SH3BP5: variants seen among roughly 807,000 people sequenced by gnomAD.
The protein encoded by SH3BP5 is SH3 domain binding protein 5.
Under a neutral mutation model 43.3 loss-of-function variants are expected in SH3BP5, and 22 were observed. The observed-to-expected ratio is 0.51, with a 90% CI of 0.36 to 0.73. The LOEUF (loss-of-function observed/expected upper bound fraction) is 0.73. SH3BP5 is among the 30% of genes least tolerant of loss of function. The probability of loss-of-function intolerance (pLI) is 0.00; values close to 1 mark genes in which losing one functional copy is unlikely to be tolerated. For synonymous variants in SH3BP5, 255 were observed against 225.8 expected, an observed-to-expected ratio of 1.13 and a Z score of -1.16; for missense variants, 529 against 586.9, an observed-to-expected ratio of 0.90 and a Z score of 1.02.
At chr3:15,309,865 G>C (rs1698004624) in intron 2 of SH3BP5, among the ~76,000 whole-genome samples, 1 of 151,700 alleles carries the variant, frequency 6.6e-6, no homozygotes, top group African/African-American at 2.4e-5. Flanking sequence ...ATTCATCAAA[G>C]ATGCATTGAA....
intron 2 of SH3BP5, 125 bp from the exon 3 acceptor site, chr3:15,304,356 C>G: frequency 7.1e-7 from 1 of 1,417,948 alleles, no homozygotes; most frequent in Non-Finnish European, 9.7e-7. Context: ...TAAAGTAGCA[C>G]CTTTACAAGA....
chr3:15,279,436 T>C (rs1697060248), intron 3 of SH3BP5, among the ~76,000 whole-genome samples: 1 of 152,130 alleles, frequency 6.6e-6, no homozygotes, highest in Non-Finnish European at 1.5e-5. Context: ...CTTTAATATG[T>C]CGGAGCAGCA....
At chr3:15,315,856 T>C (rs1481709790) in intron 2 of SH3BP5, among the ~76,000 whole-genome samples, 1 of 152,146 alleles carries the variant, frequency 6.6e-6, no homozygotes, top group African/African-American at 2.4e-5. Flanking sequence ...TTGGAAAAAA[T>C]GAGGGAAAGA....
intron 2 of SH3BP5, 110 bp from the exon 3 acceptor site, chr3:15,304,341 A>AC: frequency 1.3e-6 from 2 of 1,522,236 alleles, no homozygotes; most frequent in South Asian, 2.3e-5. Context: ...CAACGTACAG[A>AC]CCCCTAAAGT....
At chr3:15,318,530 CAA>C (rs59276192) in intron 2 of SH3BP5, among the ~76,000 whole-genome samples, 52 of 105,168 alleles carry the variant, frequency 4.9e-4, no homozygotes, top group Non-Finnish European at 4.6e-4. Flanking sequence ...CTGTCAGCTC[CAA>C]AAAAAAAAAA....
Position 15,258,867 on chromosome 3 carries a change from G to A in SH3BP5, c.853C>T (p.Leu285=), listed in dbSNP as rs139598000. 372 of 1,614,074 alleles carry A rather than the reference G, an allele frequency of 2.3e-4. No individual in the cohort carries two copies. The highest frequency in any genetic ancestry group is 2.9e-4 in the Non-Finnish European group (342 of 1,180,046). The part of the protein sequence containing the change: ...AEGSSTSVED[L]PGSKPEPDAI... ...TCAGGCTCAGGTTTGCTCCCTGGCA[G>A]ATCCTCCACAGATGTGCTGCTGCCC... Residue 285 remains leucine, a synonymous_variant, in exon 7 of 9, where the codon CTG becomes TTG. Coordinates refer to ENST00000383791, the MANE Select transcript of SH3BP5 (RefSeq NM_004844.5).
chr3:15,322,317 T>A (rs148724800), intron 2 of SH3BP5, among the ~76,000 whole-genome samples: 1 of 146,758 alleles, frequency 6.8e-6, no homozygotes, highest in East Asian at 1.9e-4. Flanking sequence ...TATGTATAGT[T>A]TTTTTTCCCC....
chr3:15,308,668 G>A (rs902541000), intron 2 of SH3BP5, among the ~76,000 whole-genome samples: 45 of 152,178 alleles, frequency 3.0e-4, no homozygotes, highest in African/African-American at 1.0e-3. Context: ...AACAATGGGA[G>A]GGCATGGCAC....
rs539078265 is a variant in SH3BP5 at position 15,325,497 on chromosome 3, T to A, written c.201+5007A>T. On this transcript the variant is annotated intron_variant, in intron 2 of 8. Coordinates refer to ENST00000383791, the MANE Select transcript of SH3BP5 (RefSeq NM_004844.5). The stretch of plus-strand genomic sequence containing the variant: ...CCAGACAATACTGCATTCCTCTCCC[T>A]CCCCTTGCCTCCAAACACCCACCAG... Among the ~76,000 whole-genome samples, 13 of 152,308 alleles carry A rather than the reference T, an allele frequency of 8.5e-5. No individual in the cohort carries two copies. The South Asian group carries it at 2.7e-3, about 32-fold the overall frequency.
At chr3:15,259,859 A>C in intron 5 of SH3BP5, 56 bp from the exon 6 acceptor site, 1 of 1,492,342 alleles carries the variant, frequency 6.7e-7, no homozygotes. Flanking sequence ...GACCACAGTC[A>C]ACTCCACAAG....
chr3:15,335,145 A>G (rs1402114186), upstream of SH3BP5, among the ~76,000 whole-genome samples: 1 of 152,096 alleles, frequency 6.6e-6, no homozygotes, highest in African/African-American at 2.4e-5. Context: ...CTGTAATCCT[A>G]GCACTTTGGG....
chr3:15,338,540 T>G (rs1399382594), intron 1 of SH3BP5, among the ~76,000 whole-genome samples: 1 of 152,112 alleles, frequency 6.6e-6, no homozygotes, highest in East Asian at 1.9e-4. Flanking sequence ...GGCTGCAAAC[T>G]GGAAGCGACT....
At chr3:15,316,458 C>T (rs1698187969) in intron 2 of SH3BP5, among the ~76,000 whole-genome samples, 1 of 151,920 alleles carries the variant, frequency 6.6e-6, no homozygotes, top group Admixed American at 6.6e-5. Context: ...CTCCTGACCT[C>T]GTGATCCGCT....
chr3:15,307,987 G>A (rs1697956217), intron 2 of SH3BP5, among the ~76,000 whole-genome samples: 1 of 151,986 alleles, frequency 6.6e-6, no homozygotes, highest in Non-Finnish European at 1.5e-5. Context: ...AAACGTCAGG[G>A]AAAATTCACA....
intron 3 of SH3BP5, among the ~76,000 whole-genome samples, chr3:15,292,887 C>T (rs545861758): frequency 6.6e-6 from 1 of 152,220 alleles, no homozygotes; most frequent in African/African-American, 2.4e-5. Flanking sequence ...ATCAGCAACA[C>T]TCTCCCTGCT....
chr3:15,319,343 A>C (rs191563062), intron 2 of SH3BP5, among the ~76,000 whole-genome samples: 1 of 152,296 alleles, frequency 6.6e-6, no homozygotes, highest in Admixed American at 6.5e-5. Flanking sequence ...CCATTAAAGC[A>C]CCTCAAGAAG....
At chr3:15,272,187 C>T (rs886107127) in intron 3 of SH3BP5, among the ~76,000 whole-genome samples, 3 of 152,178 alleles carry the variant, frequency 2.0e-5, no homozygotes, top group East Asian at 3.8e-4. Flanking sequence ...ACTCAGAGCA[C>T]GCCAGCCCCC....
At chr3:15,322,867 C>T (rs905801470) in intron 2 of SH3BP5, among the ~76,000 whole-genome samples, 8 of 152,102 alleles carry the variant, frequency 5.3e-5, no homozygotes, top group South Asian at 4.2e-4. Context: ...GGAGGCCGGG[C>T]GCAGTAGCTC....
Position 15,309,906 on chromosome 3 carries a change from A to ACC in SH3BP5, c.202-5677_202-5676dup, listed in dbSNP as rs67572916. ...ACACAAAGCCAGTCTTCCCCGCTCC[A>ACC]CCCCCCCCCCATAAGAAAAAGCCCA... is the stretch of plus-strand genomic sequence containing the variant. On this transcript the variant is annotated intron_variant, in intron 2 of 8. Coordinates refer to ENST00000383791, the MANE Select transcript of SH3BP5 (RefSeq NM_004844.5). Among the ~76,000 whole-genome samples, 395 of 125,756 alleles carry ACC rather than the reference A, an allele frequency of 3.1e-3. 3 individuals carry two copies. The highest frequency in any genetic ancestry group is 5.5e-3 in the South Asian group (22 of 4,010). 82.5% of individuals were successfully genotyped at this position (125,756 alleles called of 152,430 possible). A position where few individuals can be genotyped will look rare whatever the true frequency, so the allele number is the denominator to read the frequency against.
Sources: allele counts gnomAD v4.1 joint callset (sites outside exome capture counted in the v4.1 genomes callset), GRCh38; gene constraint gnomAD v4.1.1; transcripts MANE v1.5; gene names NCBI Gene and HGNC (gene_info 2026-07-23, HGNC 2026-07-21).